GPR83: variants seen among roughly 807,000 people sequenced by gnomAD.
GPR83 encodes the protein G protein-coupled receptor 83.
In GPR83, 23 loss-of-function variants were observed where a neutral mutation model predicts 28.0. That is an observed-to-expected ratio of 0.82 (90% CI 0.59 to 1.16). The LOEUF (loss-of-function observed/expected upper bound fraction) is 1.16, where lower values mean the gene tolerates loss of function less well. Ranked by LOEUF, GPR83 falls within the 50% of genes most tolerant of loss-of-function variation. The probability of loss-of-function intolerance (pLI) is 0.00; values close to 1 mark genes in which losing one functional copy is unlikely to be tolerated. For missense variants in GPR83, 610 were observed against 536.6 expected (o/e 1.14, Z -1.35); for synonymous variants, 234 against 215.4 (o/e 1.09, Z -0.76).
chr11:94,400,546 C>A (rs371302930), intron 1 of GPR83, among the ~76,000 whole-genome samples: 1,686 of 116,382 alleles, frequency 0.014, no homozygotes, highest in Middle Eastern at 0.02. Context: ...GGCTGAAAGA[C>A]AAAAAAAAAA....
Position 94,401,186 on chromosome 11 carries a change from T to A in GPR83, c.62A>T (p.Glu21Val). The A allele has an allele frequency of 6.2e-7, 1 of 1,613,096 alleles. No individual in the cohort carries two copies. The highest frequency in any genetic ancestry group is 8.5e-7 in the Non-Finnish European group (1 of 1,179,628). The stretch of plus-strand genomic sequence containing the variant: ...CGCGCTCTGCTCGTCGGCCCGGCCC[T>A]CGTGGGGCTCGGTGGCTCGCACCAA... ...LPLVRATEPH[E>V]GRADEQSAEA... The change falls in exon 1 of 4, where the codon GAG (glutamate) becomes GTG (valine). Residue 21 changes from glutamate (E) to valine (V), a missense_variant. Transcript: ENST00000243673.
Position 94,380,071 on chromosome 11 carries a change from G to T in GPR83, c.*78C>A. Reference sequence around the variant, plus strand: ...AGGAGTGTGTTTCCAGCACTCTGAAGATCATGTGTGAGAATAGGCTCTCTT... The same window carrying T: ...AGGAGTGTGTTTCCAGCACTCTGAATATCATGTGTGAGAATAGGCTCTCTT... On this transcript the variant is annotated 3_prime_UTR_variant, in exon 4 of 4. Coordinates refer to ENST00000243673, the MANE Select transcript of GPR83 (RefSeq NM_016540.4). The T allele has an allele frequency of 8.5e-7, 1 of 1,170,174 alleles. No individual in the cohort carries two copies. The highest frequency in any genetic ancestry group is 1.2e-6 in the Non-Finnish European group (1 of 838,616). 72.5% of individuals were successfully genotyped at this position (1,170,174 alleles called of 1,614,324 possible). A position where few individuals can be genotyped will look rare whatever the true frequency, so the allele number is the denominator to read the frequency against.
At chr11:94,387,521 A>G (rs1325628688) in intron 3 of GPR83, among the ~76,000 whole-genome samples, 1 of 152,252 alleles carries the variant, frequency 6.6e-6, no homozygotes, top group African/African-American at 2.4e-5. Flanking sequence ...ACAGAAATAC[A>G]AACTACCATC....
intron 3 of GPR83, among the ~76,000 whole-genome samples, chr11:94,384,887 G>A (rs1486176332): frequency 5.3e-5 from 8 of 152,312 alleles, no homozygotes; most frequent in Non-Finnish European, 1.0e-4. Context: ...ATCTGAGAAC[G>A]GATAGACTGT....
At chr11:94,388,788 A>G (rs1235338121) in intron 3 of GPR83, among the ~76,000 whole-genome samples, 2 of 152,234 alleles carry the variant, frequency 1.3e-5, no homozygotes, top group African/African-American at 4.8e-5. Flanking sequence ...CCATCAAGCT[A>G]CCAGTGACTT....
chr11:94,393,705 A>G (rs1009609914), intron 2 of GPR83, 87 bp from the exon 3 acceptor site: 135 of 1,260,464 alleles, frequency 1.1e-4, no homozygotes, highest in Admixed American at 2.3e-4. Flanking sequence ...TCACTCCTGT[A>G]ATCCCAGCAC....
At chr11:94,385,024 A>G (rs573540857) in intron 3 of GPR83, among the ~76,000 whole-genome samples, 1 of 152,332 alleles carries the variant, frequency 6.6e-6, no homozygotes, top group East Asian at 1.9e-4. Flanking sequence ...ATCAGGCAGC[A>G]ACATTTGCTG....
rs748361537 is a variant in GPR83 at position 94,380,347 on chromosome 11, T to C, written c.1074A>G (p.Ala358=). The change falls in exon 4 of 4, where the codon GCA becomes GCG. Residue 358 remains alanine (A), a synonymous_variant. Coordinates refer to ENST00000243673, the MANE Select transcript of GPR83 (RefSeq NM_016540.4). ...GAGGTCTTTGACACATGCTCAGTAA[T>C]GCCTTTAGCTCAATCCTGAAGTTCT... The part of the protein sequence containing the change: ...LNENFRIELK[A]LLSMCQRPPK... 3 of 1,613,874 alleles carry C rather than the reference T, an allele frequency of 1.9e-6. No individual in the cohort carries two copies. Among genetic ancestry groups the C allele is most frequent in the East Asian group, 4.5e-5 (2 of 44,878 alleles).
At position 94,400,980 on chromosome 11, in the gene GPR83, C is replaced by T. The variant is rs754792436; in HGVS notation, c.268G>A (p.Val90Ile). The T allele has an allele frequency of 5.0e-6, 8 of 1,614,116 alleles. No individual in the cohort carries two copies. The South Asian group carries it at 7.7e-5, about 16-fold the overall frequency. The change falls in exon 1 of 4, where the codon GTC becomes ATC. Residue 90 changes from valine to isoleucine, a missense_variant. Physicochemically the swap from Val to Ile is conservative, Grantham distance 29. Coordinates refer to ENST00000243673, the MANE Select transcript of GPR83 (RefSeq NM_016540.4). ...FIIVFSLFGNVLVCHVIFKNQ... is the reference protein window; with the variant it reads ...FIIVFSLFGNILVCHVIFKNQ... ...TTGAAGATGACATGACAGACCAGGACGTTGCCAAAGAGTGAGAAGACAATG... is the reference window on the plus strand; with the variant it reads ...TTGAAGATGACATGACAGACCAGGATGTTGCCAAAGAGTGAGAAGACAATG...
Position 94,379,737 on chromosome 11 carries a change from G to A in GPR83, c.*412C>T, listed in dbSNP as rs1415893760. ...GGCCCGTGTACCTGTTTCAAGCAGA[G>A]CTCTGTGCATCTGGGTCACCACACC... On this transcript the variant is annotated 3_prime_UTR_variant, in exon 4 of 4. Transcript: ENST00000243673. 1 of 157,124 alleles carries A rather than the reference G, an allele frequency of 6.4e-6. No individual in the cohort carries two copies. Among genetic ancestry groups the A allele is most frequent in the African/African-American group, 2.4e-5 (1 of 41,584 alleles). 9.7% of individuals were successfully genotyped at this position (157,124 alleles called of 1,614,324 possible).
chr11:94,393,655 G>T (rs188775750), intron 2 of GPR83, 37 bp from the exon 3 acceptor site: 3 of 1,608,876 alleles, frequency 1.9e-6, no homozygotes, highest in East Asian at 2.2e-5. Context: ...AACTGAAGAC[G>T]TTTTGGAGCA....
rs371909930 is a variant in GPR83 at position 94,394,704 on chromosome 11, C to T, written c.514-1086G>A. On this transcript the variant is annotated intron_variant, in intron 2 of 3. Transcript: ENST00000243673. ...GAGGCTTCAGAAGCTGACAGCACAT[C>T]TCCCTTCTGGATTCAGCCATCTCTG... Among the ~76,000 whole-genome samples, 7 of 152,270 alleles carry T rather than the reference C, an allele frequency of 4.6e-5. 1 individual carries two copies. Among genetic ancestry groups the T allele is most frequent in the African/African-American group, 1.7e-4 (7 of 41,546 alleles).
intron 3 of GPR83, among the ~76,000 whole-genome samples, chr11:94,388,278 T>C (rs1161182731): frequency 3.3e-5 from 5 of 152,142 alleles, no homozygotes; most frequent in Non-Finnish European, 5.9e-5. Context: ...AGGCATGCCC[T>C]CTCTCACCAC....
At chr11:94,386,565 C>G (rs1173116739) in intron 3 of GPR83, among the ~76,000 whole-genome samples, 2 of 152,102 alleles carry the variant, frequency 1.3e-5, no homozygotes, top group Admixed American at 6.6e-5. Flanking sequence ...TCTGATAAAA[C>G]AGACTTTAAA....
rs1353562985 is a variant in GPR83, at chr11:94,380,317, C to T, written c.1104G>A (p.Lys368=). Residue 368 remains lysine, a synonymous_variant, in exon 4 of 4, where the codon AAG becomes AAA. Transcript: ENST00000243673. ...ALLSMCQRPP[K]PQEDRPPSPV... is the part of the protein sequence containing the mutation. ...GGGAGGGTGGCCTGTCCTCCTGAGG[C>T]TTGGGAGGTCTTTGACACATGCTCA... The T allele has an allele frequency of 6.2e-7, 1 of 1,610,260 alleles. No homozygotes were observed. The highest frequency in any genetic ancestry group is 1.3e-5 in the African/African-American group (1 of 74,892).
In GPR83 at chr11:94,396,522, A is replaced by T; in HGVS notation, c.390T>A (p.Val130=). 6.2e-7 allele frequency: 1 copy of T among 1,613,772 alleles called. No individual in the cohort carries two copies. The highest frequency in any genetic ancestry group is 8.5e-7 in the Non-Finnish European group (1 of 1,179,654). Reference sequence around the variant, plus strand: ...ATATCCATGTGCTGTTCACAAAGCGAACCTGGAGATGAGCCCAAAGATGTT... The same window carrying T: ...ATATCCATGTGCTGTTCACAAAGCGTACCTGGAGATGAGCCCAAAGATGTT... ...ITLLNTPFTL[V]RFVNSTWIFG... The change falls in exon 2 of 4, where the codon GTT becomes GTA. Residue 130 remains valine (V), a splice_region_variant and synonymous_variant. Coordinates refer to ENST00000243673, the MANE Select transcript of GPR83 (RefSeq NM_016540.4).
At chr11:94,394,371 A>G (rs1294022626) in intron 2 of GPR83, among the ~76,000 whole-genome samples, 3 of 152,204 alleles carry the variant, frequency 2.0e-5, no homozygotes, top group Admixed American at 2.0e-4. Context: ...TCACACACCT[A>G]CAATAAAGTC....
At chr11:94,385,345 G>C (rs138445540) in intron 3 of GPR83, among the ~76,000 whole-genome samples, 1 of 152,106 alleles carries the variant, frequency 6.6e-6, no homozygotes, top group Non-Finnish European at 1.5e-5. Context: ...AAAGCTGGAC[G>C]GAGAATGACT....
chr11:94,394,299 T>TA (rs1944845407), intron 2 of GPR83, among the ~76,000 whole-genome samples: 1 of 152,168 alleles, frequency 6.6e-6, no homozygotes, highest in African/African-American at 2.4e-5. Flanking sequence ...CACAGACACT[T>TA]ATGTGGGAAC....
Sources: allele counts gnomAD v4.1 joint callset (sites outside exome capture counted in the v4.1 genomes callset), GRCh38; gene constraint gnomAD v4.1.1; transcripts MANE v1.5; gene names NCBI Gene and HGNC (gene_info 2026-07-23, HGNC 2026-07-21).